CAMKMT: variants seen among roughly 807,000 people sequenced by gnomAD.
CAMKMT encodes calmodulin-lysine N-methyltransferase, also known as CaM KMT.
CAMKMT carries 53 observed loss-of-function variants against 48.0 expected under a neutral mutation model. The ratio of observed to expected loss-of-function variants is 1.10; its 90% CI spans 0.89 to 1.39. The LOEUF (loss-of-function observed/expected upper bound fraction) is 1.39. CAMKMT is among the 40% of genes most tolerant of loss of function. CAMKMT has a pLI of 0.00. For synonymous variants in CAMKMT, 165 were observed against 152.3 expected, an observed-to-expected ratio of 1.08 and a Z score of -0.61; for missense variants, 428 against 402.7, an observed-to-expected ratio of 1.06 and a Z score of -0.54.
chr2:44,533,662 C>G (rs928853647), intron 3 of CAMKMT, among the ~76,000 whole-genome samples: 20 of 152,148 alleles, frequency 1.3e-4, no homozygotes, highest in African/African-American at 4.6e-4. Flanking sequence ...TAAGGGTGTC[C>G]TAAACCTGGA....
chr2:44,583,449 A>C (rs550917907), intron 3 of CAMKMT, among the ~76,000 whole-genome samples: 11 of 152,224 alleles, frequency 7.2e-5, no homozygotes, highest in Admixed American at 1.3e-4. Context: ...ATGCTTCTCC[A>C]GGACAGGGAC....
intron 3 of CAMKMT, among the ~76,000 whole-genome samples, chr2:44,701,424 C>G (rs1201612896): frequency 6.6e-6 from 1 of 152,138 alleles, no homozygotes; most frequent in Non-Finnish European, 1.5e-5. Context: ...TTGAAAAAAT[C>G]CTATCTGGGC....
intron 3 of CAMKMT, among the ~76,000 whole-genome samples, chr2:44,702,430 C>G (rs75517605): frequency 5.3e-5 from 8 of 152,236 alleles, no homozygotes; most frequent in Non-Finnish European, 8.8e-5. Context: ...TTTCTTTGAT[C>G]TTATTATGTG....
intron 3 of CAMKMT, among the ~76,000 whole-genome samples, chr2:44,492,817 T>C (rs1229927785): frequency 3.3e-5 from 5 of 152,206 alleles, no homozygotes; most frequent in Non-Finnish European, 7.3e-5. Context: ...AAGGATTTAC[T>C]GTAGCAGAAT....
At chr2:44,563,501 T>C (rs907209789) in intron 3 of CAMKMT, among the ~76,000 whole-genome samples, 1 of 150,500 alleles carries the variant, frequency 6.6e-6, no homozygotes, top group Non-Finnish European at 1.5e-5. Flanking sequence ...TACTTTAAGT[T>C]CTAGGGTACA....
At chr2:44,451,932 A>G (rs913297536) in intron 3 of CAMKMT, among the ~76,000 whole-genome samples, 10 of 151,926 alleles carry the variant, frequency 6.6e-5, no homozygotes, top group East Asian at 3.8e-4. Flanking sequence ...AAAAACCTAG[A>G]TATTTTAAGT....
intron 3 of CAMKMT, among the ~76,000 whole-genome samples, chr2:44,492,692 G>T (rs1011679830): frequency 6.6e-6 from 1 of 151,980 alleles, no homozygotes; most frequent in Non-Finnish European, 1.5e-5. Context: ...TCAATCAGTG[G>T]TAATGATACA....
intron 3 of CAMKMT, among the ~76,000 whole-genome samples, chr2:44,647,907 CAAA>C (rs756753917): frequency 6.8e-5 from 2 of 29,522 alleles, no homozygotes; most frequent in African/African-American, 2.4e-4. Context: ...GACTCCGTCT[CAAA>C]AAAAAAAAAA....
intron 3 of CAMKMT, among the ~76,000 whole-genome samples, chr2:44,605,591 A>G (rs1671238576): frequency 6.6e-6 from 1 of 152,150 alleles, no homozygotes; most frequent in African/African-American, 2.4e-5. Context: ...TTTGGGGACA[A>G]CATTTTTTAT....
intron 3 of CAMKMT, among the ~76,000 whole-genome samples, chr2:44,506,763 G>C (rs189227601): frequency 6.6e-6 from 1 of 152,194 alleles, no homozygotes; most frequent in Admixed American, 6.5e-5. Flanking sequence ...GTGCTTTACT[G>C]ACTAATTTTC....
intron 3 of CAMKMT, among the ~76,000 whole-genome samples, chr2:44,590,707 T>C (rs967027614): frequency 2.6e-5 from 4 of 152,226 alleles, no homozygotes; most frequent in Non-Finnish European, 5.9e-5. Context: ...ATGGGTTGCC[T>C]GTTCACTCTG....
rs375373493 is a variant in CAMKMT at position 44,412,416 on chromosome 2, A to C, written c.376+22111A>C. ...AATGGCACAATCTTGGCTCACTGCAACCTCTGCCTCCCAGGTTCAAGCAAT... is the reference window on the plus strand; with the variant it reads ...AATGGCACAATCTTGGCTCACTGCACCCTCTGCCTCCCAGGTTCAAGCAAT... On this transcript the variant is annotated intron_variant, in intron 3 of 10. Coordinates refer to ENST00000378494, the MANE Select transcript of CAMKMT (RefSeq NM_024766.5). Among the ~76,000 whole-genome samples, 27 of 152,206 alleles carry C rather than the reference A, an allele frequency of 1.8e-4. 1 individual carries two copies. In the South Asian group the frequency reaches 5.6e-3, roughly 32 times the overall value.
chr2:44,528,026 T>G (rs1666257711), intron 3 of CAMKMT, among the ~76,000 whole-genome samples: 1 of 152,132 alleles, frequency 6.6e-6, no homozygotes, highest in Non-Finnish European at 1.5e-5. Flanking sequence ...TGTAGTTCTT[T>G]TAAAAACTAC....
intron 3 of CAMKMT, among the ~76,000 whole-genome samples, chr2:44,420,613 G>C (rs575966130): frequency 6.6e-6 from 1 of 151,750 alleles, no homozygotes; most frequent in Non-Finnish European, 1.5e-5. Flanking sequence ...AACTGTCCAG[G>C]AGTCAACTGT....
intron 3 of CAMKMT, among the ~76,000 whole-genome samples, chr2:44,594,224 T>G (rs564898840): frequency 3.9e-5 from 6 of 152,240 alleles, no homozygotes; most frequent in Non-Finnish European, 1.5e-5. Flanking sequence ...ATTGTGAAAA[T>G]GGCCATACTG....
chr2:44,454,967 G>T (rs1041228505), intron 3 of CAMKMT, among the ~76,000 whole-genome samples: 8 of 152,132 alleles, frequency 5.3e-5, no homozygotes, highest in African/African-American at 1.9e-4. Context: ...GTTGTGAAGT[G>T]ACCCTCTTGA....
intron 2 of CAMKMT, among the ~76,000 whole-genome samples, chr2:44,379,449 T>C (rs1422242408): frequency 6.6e-6 from 1 of 152,212 alleles, no homozygotes; most frequent in Non-Finnish European, 1.5e-5. Flanking sequence ...TGCTGGGTCA[T>C]GTGGTATCTC....
intron 3 of CAMKMT, among the ~76,000 whole-genome samples, chr2:44,393,864 T>C (rs905459038): frequency 6.6e-6 from 1 of 152,382 alleles, no homozygotes; most frequent in African/African-American, 2.4e-5. Context: ...AGCTGCACCA[T>C]GCTGTCTCTT....
At chr2:44,548,290 T>C (rs1457397329) in intron 3 of CAMKMT, among the ~76,000 whole-genome samples, 1 of 152,154 alleles carries the variant, frequency 6.6e-6, no homozygotes, top group Non-Finnish European at 1.5e-5. Flanking sequence ...CCTTCTGTGT[T>C]TCTCTGTGAA....
Sources: gnomAD v4.1 joint callset for allele counts (sites outside exome capture counted in the v4.1 genomes callset) on GRCh38, gnomAD v4.1.1 for gene constraint, MANE v1.5 for transcripts, NCBI Gene and HGNC (gene_info 2026-07-23, HGNC 2026-07-21) for gene names.